Variants in MYPN observed in about 807,000 individuals in gnomAD.
MYPN encodes myopalladin.
Under a neutral mutation model 129.4 loss-of-function variants are expected in MYPN, and 63 were observed. That is an observed-to-expected ratio of 0.49 (90% confidence interval 0.40 to 0.60). The LOEUF is 0.60. Ranked by LOEUF, MYPN falls within the 20% of genes least tolerant of loss-of-function variation. MYPN has a pLI of 0.00. For synonymous variants in MYPN, 629 were observed against 600.9 expected (o/e 1.05, Z -0.68); for missense variants, 1,596 against 1,635.4 (o/e 0.98, Z 0.42).
intron 8 of MYPN, 159 bp from the exon 9 acceptor site, chr10:68,165,543 T>A (rs1382637085): frequency 2.8e-6 from 2 of 709,014 alleles, no homozygotes; most frequent in East Asian, 5.4e-5. Flanking sequence ...TACTAATCAG[T>A]CAATTCAATC....
Position 68,210,931 on chromosome 10 carries a change from G to T in MYPN, c.*476G>T. The T allele has an allele frequency of 2.2e-6, 1 of 454,478 alleles. No individual in the cohort carries two copies. The highest frequency in any genetic ancestry group is 4.4e-6 in the Non-Finnish European group (1 of 226,894). The allele number at this position is 454,478 out of a possible 1,614,324, so 28.2% of individuals were successfully genotyped here. A position where few individuals can be genotyped will look rare whatever the true frequency, so the allele number is the denominator to read the frequency against. ...CGATTACATGTATAGCAGTAGTTTT[G>T]GTGAATTCACCAAATCAGCTTCCAC... On this transcript the variant is annotated 3_prime_UTR_variant, in exon 20 of 20. Transcript: ENST00000358913.
chr10:68,139,709 T>A lies in MYPN; in HGVS notation c.903-3231T>A, dbSNP rs144055928. On this transcript the variant is annotated intron_variant, in intron 2 of 19. Coordinates refer to ENST00000358913, the MANE Select transcript of MYPN (RefSeq NM_032578.4). ...CTGCTGCCACAACAGAAATCAAAGG[T>A]TGCCATAGAACTTGATGAAGCAAAT... Among the ~76,000 whole-genome samples, 69 of 152,304 alleles carry A rather than the reference T, an allele frequency of 4.5e-4. No individual in the cohort carries two copies. The East Asian group carries it at 0.013, about 29-fold the overall frequency.
At chr10:68,142,345 C>T (rs1240370573) in intron 2 of MYPN, among the ~76,000 whole-genome samples, 1 of 152,110 alleles carries the variant, frequency 6.6e-6, no homozygotes, top group Non-Finnish European at 1.5e-5. Flanking sequence ...ATAAAAATTT[C>T]TAACTTCAAG....
At chr10:68,185,000 T>C (rs1160504923) in intron 12 of MYPN, among the ~76,000 whole-genome samples, 3 of 152,056 alleles carry the variant, frequency 2.0e-5, no homozygotes, top group Non-Finnish European at 4.4e-5. Context: ...TGGCTATAAC[T>C]TGGTGATGAT....
Position 68,175,376 on chromosome 10 carries a change from A to G in MYPN, c.2618A>G (p.Asp873Gly). The change falls in exon 12 of 20, where the codon GAT becomes GGT. Residue 873 changes from aspartate (D) to glycine (G), a missense_variant. By Grantham distance (94) the Asp-to-Gly change is moderately conservative. Transcript: ENST00000358913. ...KNTKSPQPVN[D>G]DNIRETKNAV... ...ACAAAGTCTCCTCAACCAGTGAATGATGATAACATTCGTGAAACTAAGAAC... is the reference window on the plus strand; with the variant it reads ...ACAAAGTCTCCTCAACCAGTGAATGGTGATAACATTCGTGAAACTAAGAAC... 1 of 1,613,962 alleles carries G rather than the reference A, an allele frequency of 6.2e-7. No individual in the cohort carries two copies. Among genetic ancestry groups the G allele is most frequent in the Non-Finnish European group, 8.5e-7 (1 of 1,179,788 alleles).
Position 68,188,887 on chromosome 10 carries a change from C to T in MYPN, c.2704-18C>T, listed in dbSNP as rs756701622. 1.4e-5 allele frequency: 22 copies of T among 1,605,746 alleles called. No homozygotes were observed. The highest frequency in any genetic ancestry group is 1.6e-4 in the Middle Eastern group (1 of 6,068). Reference sequence around the variant, plus strand: ...TCCTTGCCATATGGAAATTGAAACACGTTTGTCATTTTGACAGGAGTACAA... The same window carrying T: ...TCCTTGCCATATGGAAATTGAAACATGTTTGTCATTTTGACAGGAGTACAA... On this transcript the variant is annotated intron_variant, in intron 12 of 19. Coordinates refer to ENST00000358913, the MANE Select transcript of MYPN (RefSeq NM_032578.4).
At chr10:68,099,759 C>T (rs1454418920) in intron 1 of MYPN, among the ~76,000 whole-genome samples, 4 of 152,128 alleles carry the variant, frequency 2.6e-5, no homozygotes, top group Non-Finnish European at 4.4e-5. Flanking sequence ...TAGTAAATCA[C>T]CTGCATTTCC....
chr10:68,095,526 C>A (rs1470830024), intron 1 of MYPN, among the ~76,000 whole-genome samples: 1 of 152,122 alleles, frequency 6.6e-6, no homozygotes, highest in African/African-American at 2.4e-5. Context: ...TTTACAACTC[C>A]ACAAACTGAG....
rs775314406 is a variant in MYPN, at chr10:68,210,973, A to G, written c.*518A>G. 2.2e-6 allele frequency: 1 copy of G among 454,290 alleles called. No individual in the cohort carries two copies. Among genetic ancestry groups the G allele is most frequent in the South Asian group, 1.6e-5 (1 of 64,472 alleles). The allele number at this position is 454,290 out of a possible 1,614,324, so 28.1% of individuals were successfully genotyped here. A position where few individuals can be genotyped will look rare whatever the true frequency, so the allele number is the denominator to read the frequency against. The stretch of plus-strand genomic sequence containing the variant: ...AGCTTCCACTTAGCATTAGGAGGTC[A>G]TGCCATACAACTCACGTATGCGGGC... On this transcript the variant is annotated 3_prime_UTR_variant, in exon 20 of 20. Coordinates refer to ENST00000358913, the MANE Select transcript of MYPN (RefSeq NM_032578.4).
intron 6 of MYPN, 102 bp downstream of exon 6, chr10:68,150,213 T>C: frequency 9.6e-7 from 1 of 1,044,012 alleles, no homozygotes; most frequent in African/African-American, 1.6e-5. Flanking sequence ...GGATTTGGTC[T>C]TCTGTATGTA....
chr10:68,166,277 T>C lies in MYPN; in HGVS notation c.1601-17T>C, dbSNP rs1476053685. On this transcript the variant is annotated splice_polypyrimidine_tract_variant and intron_variant, in intron 9 of 19. Transcript: ENST00000358913. ...TTACAGTGGCTGACAGCTCAGGTCC[T>C]GTGATTGTCCTTTCAGGAAATGAGG... The C allele has an allele frequency of 6.8e-6, 11 of 1,613,950 alleles. No homozygotes were observed. In the Admixed American group the frequency reaches 1.8e-4, roughly 27 times the overall value.
At chr10:68,190,149 G>A (rs1589603750) in intron 13 of MYPN, among the ~76,000 whole-genome samples, 1 of 151,934 alleles carries the variant, frequency 6.6e-6, no homozygotes, top group East Asian at 1.9e-4. Flanking sequence ...ATACCTGTTG[G>A]CCATTTGTAT....
intron 12 of MYPN, among the ~76,000 whole-genome samples, chr10:68,176,115 A>T (rs2043223921): frequency 6.6e-6 from 1 of 152,134 alleles, no homozygotes; most frequent in African/African-American, 2.4e-5. Flanking sequence ...TAAAAGTTTG[A>T]TCACCAGTAC....
At chr10:68,117,351 C>A (rs2042173400) in intron 1 of MYPN, among the ~76,000 whole-genome samples, 1 of 151,372 alleles carries the variant, frequency 6.6e-6, no homozygotes, top group Non-Finnish European at 1.5e-5. Context: ...CGATGGTGTA[C>A]AAAACATAGT....
intron 12 of MYPN, among the ~76,000 whole-genome samples, chr10:68,182,581 A>G (rs1433230540): frequency 2.0e-5 from 3 of 149,670 alleles, no homozygotes; most frequent in Non-Finnish European, 3.0e-5. Context: ...ATCTCGGCTC[A>G]CTGCAACCTG....
At chr10:68,128,163 G>A (rs569017794) in intron 2 of MYPN, among the ~76,000 whole-genome samples, 8 of 152,214 alleles carry the variant, frequency 5.3e-5, no homozygotes, top group South Asian at 2.1e-4. Flanking sequence ...AATGAAATAC[G>A]TTCATGTATT....
At chr10:68,189,248 T>C (rs1055127365) in intron 13 of MYPN, 122 bp downstream of exon 13, 4 of 738,554 alleles carry the variant, frequency 5.4e-6, no homozygotes, top group African/African-American at 1.7e-5. Context: ...GTTATTGATA[T>C]AGTTGTACAT....
chr10:68,171,373 C>G (rs866587779), intron 10 of MYPN, among the ~76,000 whole-genome samples: 7 of 152,088 alleles, frequency 4.6e-5, no homozygotes, highest in African/African-American at 9.7e-5. Context: ...TGAGAATCAC[C>G]TGGGGCTTTG....
At position 68,210,561 on chromosome 10, in the gene MYPN, C is replaced by A. The variant is rs372734206; in HGVS notation, c.*106C>A. 23 of 1,309,670 alleles carry A rather than the reference C, an allele frequency of 1.8e-5. No individual in the cohort carries two copies. In the East Asian group the frequency reaches 3.4e-4, roughly 20 times the overall value. The allele number at this position is 1,309,670 out of a possible 1,614,324, so 81.1% of individuals were successfully genotyped here. On this transcript the variant is annotated 3_prime_UTR_variant, in exon 20 of 20. Coordinates refer to ENST00000358913, the MANE Select transcript of MYPN (RefSeq NM_032578.4). The stretch of plus-strand genomic sequence containing the variant: ...AACCGAAGTTGAGTAAGTTCCCACA[C>A]TGCTGGACCTGTGGCAAAGAGTGCT...
Sources: allele counts gnomAD v4.1 joint callset (sites outside exome capture counted in the v4.1 genomes callset), GRCh38; gene constraint gnomAD v4.1.1; transcripts MANE v1.5; gene names NCBI Gene and HGNC (gene_info 2026-07-23, HGNC 2026-07-21).